FSTL3: variants seen among roughly 807,000 people sequenced by gnomAD.
FSTL3 encodes the protein follistatin-related protein 3.
In FSTL3, 21 loss-of-function variants were observed where a neutral mutation model predicts 28.1. That is an observed-to-expected ratio of 0.75 (90% CI 0.53 to 1.08). FSTL3 has a LOEUF of 1.08. Ranked by LOEUF, FSTL3 falls within the 50% of genes least tolerant of loss-of-function variation. The pLI, the probability that FSTL3 is intolerant of heterozygous loss-of-function variation, is 0.00. For synonymous variants in FSTL3, 199 were observed against 164.2 expected, an observed-to-expected ratio of 1.21 and a Z score of -1.62; for missense variants, 400 against 380.9, an observed-to-expected ratio of 1.05 and a Z score of -0.42.
rs777380999 is a variant in FSTL3 at position 677,933 on chromosome 19, A to G, written c.245A>G (p.Asn82Ser). Residue 82 changes from asparagine (N) to serine (S), a missense_variant, in exon 2 of 5, where the codon AAC becomes AGC. Asn to Ser is a conservative substitution (Grantham distance 46, BLOSUM62 1). Coordinates refer to ENST00000166139, the MANE Select transcript of FSTL3 (RefSeq NM_005860.3). ...SNLTHPGNKI[N>S]LLGFLGLVHC... Reference sequence around the variant, plus strand: ...CTCACCCACCCGGGGAACAAGATCAACCTCCTCGGCTTCTTGGGCCTTGTC... The same window carrying G: ...CTCACCCACCCGGGGAACAAGATCAGCCTCCTCGGCTTCTTGGGCCTTGTC... 5.6e-6 allele frequency: 9 copies of G among 1,613,442 alleles called. No individual in the cohort carries two copies. The highest frequency in any genetic ancestry group is 7.6e-6 in the Non-Finnish European group (9 of 1,179,966).
chr19:677,577 T>TG (rs60824203), intron 1 of FSTL3, among the ~76,000 whole-genome samples: 659 of 32,158 alleles, frequency 0.02, 2 homozygotes, highest in Middle Eastern at 0.054. Context: ...GGTGAGGCTG[T>TG]GGGGGGGGGC....
In FSTL3 at chr19:680,496, G is replaced by GGGGGCGTGGTCTGTGGA; in HGVS notation, c.505+14_505+30dup. ...TACCGGGGCCGCTGCCGCAGTACGT[G>GGGGGCGTGGTCTGTGGA]GGGGCGTGGTCTGTGGAGGGGCGGG... On this transcript the variant is annotated splice_region_variant and intron_variant, in intron 3 of 4. Coordinates refer to ENST00000166139, the MANE Select transcript of FSTL3 (RefSeq NM_005860.3). 1 of 1,241,264 alleles carries GGGGGCGTGGTCTGTGGA rather than the reference G, an allele frequency of 8.1e-7. No individual in the cohort carries two copies. The highest frequency in any genetic ancestry group is 1.0e-6 in the Non-Finnish European group (1 of 991,502). 76.9% of individuals were successfully genotyped at this position (1,241,264 alleles called of 1,614,324 possible). A position where few individuals can be genotyped will look rare whatever the true frequency, so the allele number is the denominator to read the frequency against.
chr19:680,010 C>CCCA (rs1555683188), intron 2 of FSTL3: 1 of 173,084 alleles, frequency 5.8e-6, no homozygotes, highest in Non-Finnish European at 1.1e-5. Flanking sequence ...GACCCCCCCC[C>CCCA]GCCCCGGCCC....
At position 680,971 on chromosome 19, in the gene FSTL3, G is replaced by A. The variant is rs116346528; in HGVS notation, c.506-362G>A. On this transcript the variant is annotated intron_variant, in intron 3 of 4. Coordinates refer to ENST00000166139, the MANE Select transcript of FSTL3 (RefSeq NM_005860.3). ...TGATGGAACCAGGGGGGTGAGACTG[G>A]GTCATGTAAGGGGCGGGGCTCTTGG... The A allele has an allele frequency of 8.3e-3, 2,804 of 337,034 alleles. 86 individuals are homozygous for A. The highest frequency in any genetic ancestry group is 0.057 in the African/African-American group (2,609 of 45,884). The allele number at this position is 337,034 out of a possible 1,614,324, so 20.9% of individuals were successfully genotyped here.
At chr19:678,499 GTTTTTTTT>G (rs746126061) in intron 2 of FSTL3, among the ~76,000 whole-genome samples, 12 of 91,232 alleles carry the variant, frequency 1.3e-4, no homozygotes, top group African/African-American at 3.5e-4. Context: ...GAGGATGATG[GTTTTTTTT>G]TTTTTTTTTT....
chr19:682,547 C>A lies in FSTL3; in HGVS notation c.*839C>A. On this transcript the variant is annotated 3_prime_UTR_variant, in exon 5 of 5. Coordinates refer to ENST00000166139, the MANE Select transcript of FSTL3 (RefSeq NM_005860.3). ...CTGCCAGCCCAAGAACTCCAGCTTCCCCACTGCCTCTGTGTGCCCCTTTGC... is the reference window on the plus strand; with the variant it reads ...CTGCCAGCCCAAGAACTCCAGCTTCACCACTGCCTCTGTGTGCCCCTTTGC... 4.3e-6 allele frequency: 1 copy of A among 234,018 alleles called. No homozygotes were observed. Among genetic ancestry groups the A allele is most frequent in the Non-Finnish European group, 8.4e-6 (1 of 118,498 alleles). The allele number at this position is 234,018 out of a possible 1,614,324, so 14.5% of individuals were successfully genotyped here. A position where few individuals can be genotyped will look rare whatever the true frequency, so the allele number is the denominator to read the frequency against.
rs1257511947 is a variant in FSTL3, at chr19:681,391, C to A, written c.564C>A (p.Gly188=). 1 of 1,593,566 alleles carries A rather than the reference C, an allele frequency of 6.3e-7. No homozygotes were observed. Among genetic ancestry groups the A allele is most frequent in the Admixed American group, 1.7e-5 (1 of 59,262 alleles). ...RPQSCVVDQT[G]SAHCVVCRAA... is the part of the protein sequence containing the mutation. ...AGTCGTGCGTCGTGGACCAGACGGG[C>A]AGCGCCCACTGCGTGGTGTGTCGAG... The change falls in exon 4 of 5, where the codon GGC becomes GGA. Residue 188 remains glycine, a synonymous_variant. Transcript: ENST00000166139.
rs968124469 is a variant in FSTL3, at chr19:682,558, T to C, written c.*850T>C. ...AGAACTCCAGCTTCCCCACTGCCTC[T>C]GTGTGCCCCTTTGCGTCCTGTGAAG... On this transcript the variant is annotated 3_prime_UTR_variant, in exon 5 of 5. Coordinates refer to ENST00000166139, the MANE Select transcript of FSTL3 (RefSeq NM_005860.3). 4 of 233,826 alleles carry C rather than the reference T, an allele frequency of 1.7e-5. No homozygotes were observed. The highest frequency in any genetic ancestry group is 1.7e-4 in the Admixed American group (3 of 17,790). The allele number at this position is 233,826 out of a possible 1,614,324, so 14.5% of individuals were successfully genotyped here.
intron 2 of FSTL3, among the ~76,000 whole-genome samples, chr19:679,205 C>T (rs895890403): frequency 1.1e-4 from 17 of 152,200 alleles, no homozygotes; most frequent in African/African-American, 4.1e-4. Flanking sequence ...GCCCTGGGGA[C>T]GGAACTCAGG....
chr19:676,697 A>T (rs931091874), intron 1 of FSTL3, among the ~76,000 whole-genome samples, 171 bp downstream of exon 1: 3 of 152,094 alleles, frequency 2.0e-5, no homozygotes, highest in Non-Finnish European at 2.9e-5. Flanking sequence ...AGGTCAGCAG[A>T]GCAGAGGTTT....
intron 3 of FSTL3, chr19:680,694 G>A (rs1477771207): frequency 3.7e-6 from 1 of 271,432 alleles, no homozygotes; most frequent in Non-Finnish European, 6.7e-6. Context: ...GGGCCTGCTG[G>A]AGGGGCGGGG....
Position 680,588 on chromosome 19 carries a change from G to A in FSTL3, c.505+99G>A, listed in dbSNP as rs908367020. On this transcript the variant is annotated intron_variant, in intron 3 of 4. Transcript: ENST00000166139. ...GCCGCAGTAGGCGGGGGCGGGGCCTGGGGCGGGACCACCCGGACCTGAGCG... is the reference window on the plus strand; with the variant it reads ...GCCGCAGTAGGCGGGGGCGGGGCCTAGGGCGGGACCACCCGGACCTGAGCG... 5 of 693,860 alleles carry A rather than the reference G, an allele frequency of 7.2e-6. No homozygotes were observed. In the East Asian group the frequency reaches 1.8e-4, roughly 25 times the overall value. The allele number at this position is 693,860 out of a possible 1,614,324, so 43.0% of individuals were successfully genotyped here. A position where few individuals can be genotyped will look rare whatever the true frequency, so the allele number is the denominator to read the frequency against.
rs891845100 is a variant in FSTL3 at position 682,847 on chromosome 19, G to A, written c.*1139G>A. The A allele has an allele frequency of 2.6e-5, 6 of 232,766 alleles. No homozygotes were observed. The highest frequency in any genetic ancestry group is 4.2e-5 in the Non-Finnish European group (5 of 117,828). 14.4% of individuals were successfully genotyped at this position (232,766 alleles called of 1,614,324 possible). ...CTCACCCACTGGCCCCGAGGGGGGT[G>A]TAGACGCCAAGACTCACGCATGTGT... On this transcript the variant is annotated 3_prime_UTR_variant, in exon 5 of 5. Transcript: ENST00000166139.
In FSTL3 at chr19:680,461, G is replaced by C. The variant is rs1192411840; in HGVS notation, c.477G>C (p.Leu159=). The change falls in exon 3 of 5, where the codon CTG becomes CTC. Residue 159 remains leucine (L), a synonymous_variant. Coordinates refer to ENST00000166139, the MANE Select transcript of FSTL3 (RefSeq NM_005860.3). ...RAARCRGHPD[L]SVMYRGRCRK... is the part of the protein sequence containing the mutation. ...CGCGCTGCCGCGGCCACCCGGACCT[G>C]AGCGTCATGTACCGGGGCCGCTGCC... 7.9e-6 allele frequency: 10 copies of C among 1,258,752 alleles called. No homozygotes were observed. The highest frequency in any genetic ancestry group is 7.8e-5 in the African/African-American group (5 of 64,466). 78.0% of individuals were successfully genotyped at this position (1,258,752 alleles called of 1,614,324 possible). A position where few individuals can be genotyped will look rare whatever the true frequency, so the allele number is the denominator to read the frequency against.
chr19:682,229 CGGAGGGTCTAGCCTGGGTGTGTAT>C lies in FSTL3; in HGVS notation c.*527_*550del, dbSNP rs2031354550. 4.2e-6 allele frequency: 1 copy of C among 235,546 alleles called. No homozygotes were observed. Among genetic ancestry groups the C allele is most frequent in the African/African-American group, 3.0e-5 (1 of 32,846 alleles). 14.6% of individuals were successfully genotyped at this position (235,546 alleles called of 1,614,324 possible). On this transcript the variant is annotated 3_prime_UTR_variant, in exon 5 of 5. Transcript: ENST00000166139. The stretch of plus-strand genomic sequence containing the variant: ...ACGGAGGGTCTAGCCTGGGTGAGTA[CGGAGGGTCTAGCCTGGGTGTGTAT>C]GGAGGATCTAGCCTGGGTGAGTATG...
Position 677,767 on chromosome 19 carries a change from G to A in FSTL3, c.104-25G>A, listed in dbSNP as rs752232730. 5 of 1,587,090 alleles carry A rather than the reference G, an allele frequency of 3.2e-6. 1 individual carries two copies. In the South Asian group the frequency reaches 3.4e-5, roughly 11 times the overall value. On this transcript the variant is annotated intron_variant, in intron 1 of 4. Transcript: ENST00000166139. Reference sequence around the variant, plus strand: ...GCTGGGTGTCAGGAGTGGCCCAGGAGAGCACCCCGTTCCCCGGCCCGCAGG... The same window carrying A: ...GCTGGGTGTCAGGAGTGGCCCAGGAAAGCACCCCGTTCCCCGGCCCGCAGG...
At chr19:677,653 G>A (rs1053395800) in intron 1 of FSTL3, 139 bp from the exon 2 acceptor site, 3 of 843,226 alleles carry the variant, frequency 3.6e-6, no homozygotes, top group Non-Finnish European at 5.4e-6. Flanking sequence ...CACCCATGTG[G>A]TTTTCTGCCC....
At position 682,722 on chromosome 19, in the gene FSTL3, C is replaced by T. The variant is rs2031367174; in HGVS notation, c.*1014C>T. ...AGTTCATGAGGCAACGTCGCGTGGTCTCAGACGTGGAGCAGCCAGCGGCAG... is the reference window on the plus strand; with the variant it reads ...AGTTCATGAGGCAACGTCGCGTGGTTTCAGACGTGGAGCAGCCAGCGGCAG... On this transcript the variant is annotated 3_prime_UTR_variant, in exon 5 of 5. Transcript: ENST00000166139. 4.3e-6 allele frequency: 1 copy of T among 233,240 alleles called. No individual in the cohort carries two copies. Among genetic ancestry groups the T allele is most frequent in the South Asian group, 1.8e-4 (1 of 5,554 alleles). The allele number at this position is 233,240 out of a possible 1,614,324, so 14.4% of individuals were successfully genotyped here. A position where few individuals can be genotyped will look rare whatever the true frequency, so the allele number is the denominator to read the frequency against.
Position 682,620 on chromosome 19 carries a change from G to A in FSTL3, c.*912G>A, listed in dbSNP as rs971961296. On this transcript the variant is annotated 3_prime_UTR_variant, in exon 5 of 5. Transcript: ENST00000166139. The stretch of plus-strand genomic sequence containing the variant: ...ATGCCCAGTGTGCCCCCTGGGAAAG[G>A]GCACGGCCTGTGCTCCTGACACGGG... 4.3e-6 allele frequency: 1 copy of A among 233,574 alleles called. No homozygotes were observed. Among genetic ancestry groups the A allele is most frequent in the South Asian group, 1.8e-4 (1 of 5,616 alleles). 14.5% of individuals were successfully genotyped at this position (233,574 alleles called of 1,614,324 possible).
Sources: gnomAD v4.1 joint callset for allele counts (sites outside exome capture counted in the v4.1 genomes callset) on GRCh38, gnomAD v4.1.1 for gene constraint, MANE v1.5 for transcripts, NCBI Gene and HGNC (gene_info 2026-07-23, HGNC 2026-07-21) for gene names.